Variants in PCDHGA1 observed in about 807,000 individuals in gnomAD.
PCDHGA1 encodes the protein protocadherin gamma subfamily A, 1.
A neutral mutation model predicts 58.0 loss-of-function variants in PCDHGA1; 32 were observed. The ratio of observed to expected loss-of-function variants is 0.55; its 90% CI spans 0.42 to 0.74. The LOEUF (loss-of-function observed/expected upper bound fraction) is 0.74. Among genes scored for constraint, PCDHGA1 ranks in the 30% least tolerant of loss-of-function variants. PCDHGA1 has a pLI of 0.00. For missense variants in PCDHGA1, 1,205 were observed against 1,182.3 expected (o/e 1.02, Z -0.28); for synonymous variants, 498 against 501.1 (o/e 0.99, Z 0.08).
At chr5:141,345,342 C>T in intron 1 of PCDHGA1, 1 of 1,614,044 alleles carries the variant, frequency 6.2e-7, no homozygotes, top group Non-Finnish European at 8.5e-7. Context: ...CACAGAAACT[C>T]ACATCACCCT....
intron 1 of PCDHGA1, chr5:141,345,496 C>T: frequency 6.2e-7 from 1 of 1,614,182 alleles, no homozygotes; most frequent in Middle Eastern, 1.6e-4. Flanking sequence ...GCCCGCATCA[C>T]TTATGCATTG....
At chr5:141,414,481 C>T (rs1011579090) in intron 1 of PCDHGA1, 2 of 1,613,948 alleles carry the variant, frequency 1.2e-6, no homozygotes, top group Non-Finnish European at 1.7e-6. Context: ...AAGTCCTCCT[C>T]TATCAACGGA....
At position 141,487,465 on chromosome 5, in the gene PCDHGA1, T is replaced by C. The variant is rs1354086784; in HGVS notation, c.2422-7342T>C. 1.9e-6 allele frequency: 3 copies of C among 1,614,194 alleles called. No individual in the cohort carries two copies. The highest frequency in any genetic ancestry group is 1.7e-6 in the Non-Finnish European group (2 of 1,180,020). Reference sequence around the variant, plus strand: ...CAGATGACCCTATCAAGTTTGTTGATGTGGGAGGCCACTCTCATGGCTGTA... The same window carrying C: ...CAGATGACCCTATCAAGTTTGTTGACGTGGGAGGCCACTCTCATGGCTGTA... On this transcript the variant is annotated intron_variant, in intron 1 of 3. Transcript: ENST00000517417. The surrounding 1 kb of genome is among the most constrained non-coding windows in gnomAD (Gnocchi z 5.0).
chr5:141,465,483 A>T (rs1279787337), intron 1 of PCDHGA1, among the ~76,000 whole-genome samples: 1 of 152,236 alleles, frequency 6.6e-6, no homozygotes, highest in Non-Finnish European at 1.5e-5. Flanking sequence ...TCATGAGAGG[A>T]ATGAGCGGGA....
intron 2 of PCDHGA1, among the ~76,000 whole-genome samples, chr5:141,504,786 C>A (rs568185327): frequency 6.6e-6 from 1 of 152,014 alleles, no homozygotes; most frequent in South Asian, 2.1e-4. Context: ...TCTCTTGGGG[C>A]CTCCTACATC....
intron 1 of PCDHGA1, chr5:141,410,052 T>C: frequency 6.2e-7 from 1 of 1,613,122 alleles, no homozygotes; most frequent in Non-Finnish European, 8.5e-7. Context: ...CCCGGACTCT[T>C]CAGCCTGGGG....
Position 141,431,948 on chromosome 5 carries a change from T to G in PCDHGA1, c.2422-62859T>G. ...AAATCTGCCCTTTAAATTAGAAAAA[T>G]CTTACGGAAATTACTATAGTTTAGT... is the stretch of plus-strand genomic sequence containing the variant. On this transcript the variant is annotated intron_variant, in intron 1 of 3. Transcript: ENST00000517417. The surrounding 1 kb of genome is among the most constrained non-coding windows in gnomAD (Gnocchi z 4.8). The G allele has an allele frequency of 6.2e-7, 1 of 1,614,076 alleles. No homozygotes were observed. The highest frequency in any genetic ancestry group is 8.5e-7 in the Non-Finnish European group (1 of 1,180,006).
intron 1 of PCDHGA1, chr5:141,389,146 C>A (rs567517174): frequency 3.7e-6 from 6 of 1,614,000 alleles, no homozygotes; most frequent in South Asian, 3.3e-5. Flanking sequence ...ATAACCGTTA[C>A]GGCAACAGAT....
chr5:141,455,627 A>G (rs1426625737), intron 1 of PCDHGA1, among the ~76,000 whole-genome samples: 2 of 152,104 alleles, frequency 1.3e-5, no homozygotes, highest in East Asian at 3.9e-4. Context: ...ACACGTGGAG[A>G]TATGTGGGGG....
intron 1 of PCDHGA1, among the ~76,000 whole-genome samples, chr5:141,460,737 G>GTA (rs1393989215): frequency 2.0e-5 from 3 of 150,700 alleles, no homozygotes; most frequent in East Asian, 1.9e-4. Context: ...TATACACATT[G>GTA]TATATATATG....
intron 1 of PCDHGA1, among the ~76,000 whole-genome samples, chr5:141,454,989 T>C (rs1460420144): frequency 6.6e-6 from 1 of 151,506 alleles, no homozygotes; most frequent in East Asian, 2.0e-4. Context: ...TTAAAAAATA[T>C]TTTTAGTAGA....
chr5:141,376,214 C>T, intron 1 of PCDHGA1: 1 of 1,614,204 alleles, frequency 6.2e-7, no homozygotes, highest in Non-Finnish European at 8.5e-7. Flanking sequence ...CGTCATCGTG[C>T]TGCTGGCGCT....
Position 141,341,550 on chromosome 5 carries a change from T to G in PCDHGA1, c.2421+8445T>G. 7 of 1,410,806 alleles carry G rather than the reference T, an allele frequency of 5.0e-6. No individual in the cohort carries two copies. The South Asian group carries it at 1.0e-4, about 21-fold the overall frequency. The allele number at this position is 1,410,806 out of a possible 1,614,324, so 87.4% of individuals were successfully genotyped here. ...TGAATTATTTCTTGGTAGGTCTTAG[T>G]GTTCACAGGCTGTAAGAGGAAGAAG... is the stretch of plus-strand genomic sequence containing the variant. On this transcript the variant is annotated intron_variant, in intron 1 of 3. Transcript: ENST00000517417.
chr5:141,376,073 G>A (rs767716077), intron 1 of PCDHGA1: 1 of 1,613,508 alleles, frequency 6.2e-7, no homozygotes, highest in Non-Finnish European at 8.5e-7. Context: ...CACCGTGGCC[G>A]TGGCCGACAG....
In PCDHGA1 at chr5:141,486,036, G is replaced by A. The variant is rs773301300; in HGVS notation, c.2422-8771G>A. ...TATTTCAGTGGTCATACCCCTGATC[G>A]TGTAAGAAACCTCTTTAGCCTGCAC... On this transcript the variant is annotated intron_variant, in intron 1 of 3. Transcript: ENST00000517417. This position sits in a 1 kb window ranked among gnomAD's most constrained non-coding sequence, Gnocchi z 5.0. 2.5e-6 allele frequency: 4 copies of A among 1,614,048 alleles called. No individual in the cohort carries two copies. Among genetic ancestry groups the A allele is most frequent in the Admixed American group, 1.7e-5 (1 of 60,004 alleles).
Position 141,477,365 on chromosome 5 carries a change from C to T in PCDHGA1, c.2422-17442C>T, listed in dbSNP as rs754438240. On this transcript the variant is annotated intron_variant, in intron 1 of 3. Transcript: ENST00000517417. The surrounding 1 kb of genome is among the most constrained non-coding windows in gnomAD (Gnocchi z 4.9). ...TTTGAAAACCAGTGCAGACCTGGAT[C>T]GGGAGACTGTGCCAGAATACAACCT... The T allele has an allele frequency of 6.2e-7, 1 of 1,614,156 alleles. No homozygotes were observed. The highest frequency in any genetic ancestry group is 1.7e-5 in the Admixed American group (1 of 60,022).
At position 141,332,560 on chromosome 5, in the gene PCDHGA1, G is replaced by A. The variant is rs750288980; in HGVS notation, c.1876G>A (p.Val626Met). Residue 626 changes from valine to methionine, a missense_variant, in exon 1 of 4, where the codon GTG becomes ATG. By Grantham distance (21) the Val-to-Met change is conservative. Transcript: ENST00000517417. The surrounding 1 kb of genome is among the most constrained non-coding windows in gnomAD (Gnocchi z 4.6). Reference protein sequence around the residue: ...LFSVGLHTGEVRTARALLDRD... With the variant: ...LFSVGLHTGEMRTARALLDRD... ...CTCGGTGGGTCTGCACACGGGCGAG[G>A]TGCGCACGGCGCGAGCCCTGCTGGA... is the stretch of plus-strand genomic sequence containing the variant. 2 of 1,611,622 alleles carry A rather than the reference G, an allele frequency of 1.2e-6. No homozygotes were observed. Among genetic ancestry groups the A allele is most frequent in the South Asian group, 1.1e-5 (1 of 90,930 alleles).
chr5:141,347,945 G>C (rs1758040915), intron 1 of PCDHGA1, among the ~76,000 whole-genome samples: 1 of 152,180 alleles, frequency 6.6e-6, no homozygotes, highest in African/African-American at 2.4e-5. Flanking sequence ...CCTTGGAGTG[G>C]TATTTCTTGT....
At chr5:141,335,677 A>G (rs1588442012) in intron 1 of PCDHGA1, among the ~76,000 whole-genome samples, 1 of 152,310 alleles carries the variant, frequency 6.6e-6, no homozygotes, top group East Asian at 1.9e-4. Context: ...TGGAATAGTC[A>G]TCCTTGAACA....
Sources: gnomAD v4.1 joint callset for allele counts (sites outside exome capture counted in the v4.1 genomes callset) on GRCh38, gnomAD v4.1.1 for gene constraint, Gnocchi (gnomAD v3.1) non-coding constraint, MANE v1.5 for transcripts, NCBI Gene and HGNC (gene_info 2026-07-23, HGNC 2026-07-21) for gene names.